Variants in SMS observed in about 807,000 individuals in gnomAD.
The protein encoded by SMS is spermidine aminopropyltransferase.
SMS carries 3 observed loss-of-function variants against 33.0 expected under a neutral mutation model. The observed-to-expected ratio is 0.09, with a 90% CI of 0.04 to 0.23. The LOEUF (loss-of-function observed/expected upper bound fraction) is 0.23. Ranked by LOEUF, SMS falls within the 10% of genes least tolerant of loss-of-function variation. SMS has a pLI of 1.00. For missense variants in SMS, 117 were observed against 288.6 expected (o/e 0.41, Z 4.31); for synonymous variants, 103 against 112.2 (o/e 0.92, Z 0.52).
At chrX:21,965,230 T>C (rs1446823172) in intron 1 of SMS, among the ~76,000 whole-genome samples, 1 of 112,047 alleles carries the variant, frequency 8.9e-6, no homozygotes, top group African/African-American at 3.3e-5. Context: ...CATCCCCAGG[T>C]TCTGGAGATT....
At chrX:21,992,405 A>T (rs1291351005) in intron 9 of SMS, among the ~76,000 whole-genome samples, 192 bp from the exon 10 acceptor site, 1 of 112,658 alleles carries the variant, frequency 8.9e-6, no homozygotes. Flanking sequence ...AATGAGGTAG[A>T]AGGATAACGA....
At chrX:21,963,721 C>T (rs1923515421) in intron 1 of SMS, among the ~76,000 whole-genome samples, 1 of 111,763 alleles carries the variant, frequency 8.9e-6, no homozygotes, top group South Asian at 3.8e-4. Flanking sequence ...AGGCCAGGGT[C>T]CTCGTTCACT....
At chrX:21,972,636 C>T (rs1197050417) in intron 4 of SMS, 65 bp downstream of exon 4, 10 of 768,821 alleles carry the variant, frequency 1.3e-5, no homozygotes, top group African/African-American at 6.2e-5. Flanking sequence ...TGGCTGGGCG[C>T]GGTAGCTCAC....
intron 1 of SMS, among the ~76,000 whole-genome samples, chrX:21,942,306 CTG>C (rs980687810): frequency 2.7e-5 from 3 of 111,316 alleles, no homozygotes; most frequent in African/African-American, 9.8e-5. Context: ...CTAGTGAAGA[CTG>C]AGGATTTGGA....
intron 10 of SMS, among the ~76,000 whole-genome samples, chrX:21,993,401 C>T (rs1421555879): frequency 8.9e-6 from 1 of 112,652 alleles, no homozygotes; most frequent in African/African-American, 3.2e-5. Context: ...AGGAAATGAG[C>T]ATTATCATTG....
At chrX:21,993,281 CAG>C (rs1925875991) in intron 10 of SMS, among the ~76,000 whole-genome samples, 1 of 112,949 alleles carries the variant, frequency 8.9e-6, no homozygotes, top group Non-Finnish European at 1.9e-5. Flanking sequence ...TAATTTGCAA[CAG>C]AAATCGAGAA....
At chrX:21,946,435 T>G (rs1405834391) in intron 1 of SMS, among the ~76,000 whole-genome samples, 1 of 112,852 alleles carries the variant, frequency 8.9e-6, no homozygotes, top group Non-Finnish European at 1.9e-5. Flanking sequence ...TAATTTTAGG[T>G]AAATCCTCAA....
chrX:21,984,043 T>C (rs945887915), intron 7 of SMS, among the ~76,000 whole-genome samples: 1 of 111,704 alleles, frequency 9.0e-6, no homozygotes, highest in Non-Finnish European at 1.9e-5. Flanking sequence ...GTTTCTGCAT[T>C]GGTAAAATGG....
In SMS at chrX:21,992,671, A is replaced by G. The variant is rs754800675; in HGVS notation, c.1020A>G (p.Glu340=). 5 of 1,199,209 alleles carry G rather than the reference A, an allele frequency of 4.2e-6. No homozygotes were observed. The South Asian group carries it at 8.8e-5, about 21-fold the overall frequency. ...EQLGRLYCPV[E]FSKEIVCVPS... ...TGGGGCGCCTGTATTGTCCTGTGGA[A>G]TTTTCAAAGGAGATCGTCTGTGTCC... The change falls in exon 10 of 11, where the codon GAA becomes GAG. Residue 340 remains glutamate (E), a synonymous_variant. Transcript: ENST00000404933.
rs749812544 is a variant in SMS, at chrX:21,978,647, A to G, written c.661-230A>G. ...TTTGATACTGTGTCTGCTGCCTAGCAGTTTCCAAAATGGCTTCTCTAAAGC... is the reference window on the plus strand; with the variant it reads ...TTTGATACTGTGTCTGCTGCCTAGCGGTTTCCAAAATGGCTTCTCTAAAGC... On this transcript the variant is annotated intron_variant, in intron 6 of 10. Transcript: ENST00000404933. 2.7e-5 allele frequency among the ~76,000 whole-genome samples: 3 copies of G among 112,389 alleles called. No homozygotes were observed. The South Asian group carries it at 1.1e-3, about 42-fold the overall frequency.
At chrX:21,940,941 G>A in intron 1 of SMS, 68 bp downstream of exon 1, 5 of 739,392 alleles carry the variant, frequency 6.8e-6, no homozygotes, top group Non-Finnish European at 8.8e-6. Context: ...GCTGGGGCGG[G>A]GGTCGGGCGT....
At chrX:21,983,281 C>T (rs756688146) in intron 7 of SMS, among the ~76,000 whole-genome samples, 1 of 111,143 alleles carries the variant, frequency 9.0e-6, no homozygotes, top group Non-Finnish European at 1.9e-5. Flanking sequence ...CTCCATTGTT[C>T]CGCCCACCTC....
chrX:21,986,967 T>C (rs1312111725), intron 9 of SMS, among the ~76,000 whole-genome samples: 1 of 108,259 alleles, frequency 9.2e-6, no homozygotes, highest in Non-Finnish European at 1.9e-5. Flanking sequence ...GCTTTCTTAT[T>C]GTAAAGAAGC....
chrX:21,948,578 A>G (rs1036011220), intron 1 of SMS, among the ~76,000 whole-genome samples: 2 of 110,162 alleles, frequency 1.8e-5, no homozygotes, highest in Non-Finnish European at 3.8e-5. Flanking sequence ...CTACCTTCTC[A>G]GGAGATAAAG....
chrX:21,949,282 G>A (rs1922448330), intron 1 of SMS, among the ~76,000 whole-genome samples: 1 of 112,001 alleles, frequency 8.9e-6, no homozygotes, highest in African/African-American at 3.3e-5. Flanking sequence ...TGTGTCGTTG[G>A]GTGGAATGTC....
chrX:21,989,519 C>A (rs1925612959), intron 9 of SMS, among the ~76,000 whole-genome samples: 1 of 111,875 alleles, frequency 8.9e-6, no homozygotes, highest in African/African-American at 3.2e-5. Context: ...CCAATATGGC[C>A]AATTAGAATT....
At chrX:21,977,498 C>A (rs181231421) in intron 5 of SMS, among the ~76,000 whole-genome samples, 1 of 111,079 alleles carries the variant, frequency 9.0e-6, no homozygotes, top group Non-Finnish European at 1.9e-5. Context: ...AAAAAAAAAA[C>A]CTTTTTGTTA....
rs566279382 is a variant in SMS at position 21,947,983 on chromosome X, G to A, written c.49+7110G>A. Among the ~76,000 whole-genome samples, 29 of 111,252 alleles carry A rather than the reference G, an allele frequency of 2.6e-4. No homozygotes were observed. The South Asian group carries it at 9.7e-3, about 37-fold the overall frequency. On this transcript the variant is annotated intron_variant, in intron 1 of 10. Transcript: ENST00000404933. ...TTGGCATTGCCTTCCTTTGGCATGC[G>A]CTTTTGCTTTGTGATTTTTTTTTTA... is the stretch of plus-strand genomic sequence containing the variant.
At chrX:21,963,087 C>T (rs1923470191) in intron 1 of SMS, among the ~76,000 whole-genome samples, 1 of 112,207 alleles carries the variant, frequency 8.9e-6, no homozygotes, top group African/African-American at 3.2e-5. Context: ...TGCCACCAAA[C>T]ATTTATTGAG....
Sources: gnomAD v4.1 joint callset for allele counts (sites outside exome capture counted in the v4.1 genomes callset) on GRCh38, gnomAD v4.1.1 for gene constraint, MANE v1.5 for transcripts, NCBI Gene and HGNC (gene_info 2026-07-23, HGNC 2026-07-21) for gene names.